Variants in SFMBT2 observed in about 807,000 individuals in gnomAD.
SFMBT2 encodes the protein Scm like with four mbt domains 2, also known as scm-like with four MBT domains protein 2.
A neutral mutation model predicts 110.1 loss-of-function variants in SFMBT2; 38 were observed. The ratio of observed to expected loss-of-function variants is 0.35; its 90% CI spans 0.27 to 0.45. The LOEUF (loss-of-function observed/expected upper bound fraction) is 0.45, where lower values mean the gene tolerates loss of function less well. Among genes scored for constraint, SFMBT2 ranks in the 20% least tolerant of loss-of-function variants. SFMBT2 has a pLI of 1.00. For missense variants in SFMBT2, 1,011 were observed against 1,094.9 expected (o/e 0.92, Z 1.08); for synonymous variants, 425 against 425.4 (o/e 1.00, Z 0.01).
intron 7 of SFMBT2, among the ~76,000 whole-genome samples, chr10:7,256,432 G>A (rs1240398185): frequency 6.6e-6 from 1 of 152,240 alleles, no homozygotes; most frequent in African/African-American, 2.4e-5. Flanking sequence ...AAGTTTTGCT[G>A]TTAATTCCTC....
intron 11 of SFMBT2, among the ~76,000 whole-genome samples, chr10:7,209,472 T>C (rs747187662): frequency 6.6e-6 from 1 of 152,250 alleles, no homozygotes; most frequent in Non-Finnish European, 1.5e-5. Context: ...GGAAGCTTAA[T>C]TCCCCATCTA....
intron 16 of SFMBT2, among the ~76,000 whole-genome samples, chr10:7,182,811 A>G (rs1043117919): frequency 6.6e-6 from 1 of 151,974 alleles, no homozygotes; most frequent in African/African-American, 2.4e-5. Flanking sequence ...GCACATGTAT[A>G]CATATGTAAC....
intron 4 of SFMBT2, among the ~76,000 whole-genome samples, chr10:7,315,038 G>GAGAAAGAAAGGA (rs1842956776): frequency 1.2e-5 from 1 of 82,176 alleles, no homozygotes; most frequent in African/African-American, 5.2e-5. Context: ...AAGAAAGAAA[G>GAGAAAGAAAGGA]AGAAAGAAAG....
At chr10:7,266,875 A>G (rs1564412748) in intron 7 of SFMBT2, among the ~76,000 whole-genome samples, 2 of 152,156 alleles carry the variant, frequency 1.3e-5, no homozygotes, top group Admixed American at 1.3e-4. Flanking sequence ...AGAAGGGTTC[A>G]CCTGGGAGGC....
intron 7 of SFMBT2, among the ~76,000 whole-genome samples, chr10:7,258,036 A>G (rs1023831941): frequency 2.1e-4 from 32 of 152,202 alleles, no homozygotes; most frequent in Middle Eastern, 3.2e-3. Context: ...GGCTCCAGCA[A>G]TACTTCCACC....
intron 16 of SFMBT2, among the ~76,000 whole-genome samples, chr10:7,181,063 ACCC>A (rs1355253553): frequency 6.6e-6 from 1 of 151,868 alleles, no homozygotes; most frequent in Non-Finnish European, 1.5e-5. Flanking sequence ...ACATGGTGAA[ACCC>A]CATCTCTCCT....
chr10:7,238,516 T>A (rs905526684), intron 9 of SFMBT2, among the ~76,000 whole-genome samples: 1 of 152,192 alleles, frequency 6.6e-6, no homozygotes, highest in African/African-American at 2.4e-5. Flanking sequence ...AGCTCATCAG[T>A]CAGTGTCTGA....
rs56181512 is a variant in SFMBT2 at position 7,317,641 on chromosome 10, C to CAAAAAAAA, written c.437-31695_437-31688dup. 4.1e-4 allele frequency among the ~76,000 whole-genome samples: 38 copies of CAAAAAAAA among 92,702 alleles called. 1 individual carries two copies. The highest frequency in any genetic ancestry group is 6.6e-4 in the Admixed American group (5 of 7,540). 60.8% of individuals were successfully genotyped at this position (92,702 alleles called of 152,430 possible). On this transcript the variant is annotated intron_variant, in intron 4 of 20. Transcript: ENST00000397167. Reference sequence around the variant, plus strand: ...GGGCAACAAGAACAAAACTCCGTCTCAAAAAAAAAAAAAAAAAGTACACAT... The same window carrying CAAAAAAAA: ...GGGCAACAAGAACAAAACTCCGTCTCAAAAAAAAAAAAAAAAAAAAAAAAAGTACACAT...
At chr10:7,377,522 G>A (rs560762097) in intron 2 of SFMBT2, among the ~76,000 whole-genome samples, 37 of 152,260 alleles carry the variant, frequency 2.4e-4, no homozygotes, top group African/African-American at 7.2e-4. Context: ...TAGAATCAGT[G>A]GGAATCCTGG....
Position 7,172,480 on chromosome 10 carries a change from C to T in SFMBT2, c.2151+15G>A, listed in dbSNP as rs1016972284. The T allele has an allele frequency of 3.1e-6, 5 of 1,613,074 alleles. No homozygotes were observed. The highest frequency in any genetic ancestry group is 4.2e-6 in the Non-Finnish European group (5 of 1,180,024). ...ACAGAGCTACAGGCTGGCAGGTGCCCCGGGCAGAACATACCTCCCCCGAGC... is the reference window on the plus strand; with the variant it reads ...ACAGAGCTACAGGCTGGCAGGTGCCTCGGGCAGAACATACCTCCCCCGAGC... On this transcript the variant is annotated intron_variant, in intron 18 of 20. Coordinates refer to ENST00000397167, the MANE Select transcript of SFMBT2 (RefSeq NM_001387889.1). This position sits in a 1 kb window ranked among gnomAD's most constrained non-coding sequence, Gnocchi z 4.6.
intron 3 of SFMBT2, among the ~76,000 whole-genome samples, chr10:7,368,121 A>G (rs944021137): frequency 6.6e-6 from 1 of 152,228 alleles, no homozygotes; most frequent in Non-Finnish European, 1.5e-5. Flanking sequence ...TTCTAACAAT[A>G]TATTTTAACC....
intron 7 of SFMBT2, among the ~76,000 whole-genome samples, chr10:7,267,939 C>T (rs899998481): frequency 1.3e-5 from 2 of 152,124 alleles, no homozygotes; most frequent in Admixed American, 6.5e-5. Context: ...TCTAAGGAAA[C>T]AATATTTTAT....
At chr10:7,168,553 C>G (rs568482908) in intron 20 of SFMBT2, among the ~76,000 whole-genome samples, 41 of 152,338 alleles carry the variant, frequency 2.7e-4, no homozygotes, top group Non-Finnish European at 4.9e-4. Flanking sequence ...ATCAGTGCAA[C>G]CAAACCTGCG....
intron 11 of SFMBT2, among the ~76,000 whole-genome samples, chr10:7,212,628 C>T (rs1486896842): frequency 6.6e-6 from 1 of 152,208 alleles, no homozygotes; most frequent in Non-Finnish European, 1.5e-5. Context: ...TACACTCTAT[C>T]GATGTTCATC....
At chr10:7,174,943 CTG>C (rs371540722) in intron 17 of SFMBT2, among the ~76,000 whole-genome samples, 9 of 151,028 alleles carry the variant, frequency 6.0e-5, no homozygotes, top group Admixed American at 1.3e-4. Context: ...CAAGGGGACT[CTG>C]TGTGTGTGTG....
intron 3 of SFMBT2, chr10:7,368,302 G>T: frequency 2.0e-6 from 2 of 983,124 alleles, no homozygotes; most frequent in Non-Finnish European, 1.2e-6. Context: ...AGGACCACAT[G>T]ATAGGGGCTA....
intron 12 of SFMBT2, chr10:7,205,495 C>T (rs1405303813): frequency 1.0e-6 from 1 of 981,596 alleles, no homozygotes; most frequent in African/African-American, 1.8e-5. Context: ...AATGGTAACA[C>T]AATAATATAG....
chr10:7,172,746 G>T lies in SFMBT2; in HGVS notation c.1985-85C>A. ...GAGAGGAGAGAGAAAGAAGGGAAAC[G>T]ATTCTTTCATCTGATAGTTCATTTG... On this transcript the variant is annotated intron_variant, in intron 17 of 20. Transcript: ENST00000397167. The surrounding 1 kb of genome is among the most constrained non-coding windows in gnomAD (Gnocchi z 4.6). 7.0e-7 allele frequency: 1 copy of T among 1,431,540 alleles called. No individual in the cohort carries two copies. The highest frequency in any genetic ancestry group is 2.3e-5 in the Admixed American group (1 of 42,818). 88.7% of individuals were successfully genotyped at this position (1,431,540 alleles called of 1,614,324 possible).
intron 4 of SFMBT2, among the ~76,000 whole-genome samples, chr10:7,298,426 A>C (rs576657212): frequency 1.7e-3 from 252 of 152,274 alleles, no homozygotes; most frequent in Non-Finnish European, 3.1e-3. Flanking sequence ...CCAAAAGCCC[A>C]ACAGCCAGGC....
Sources: allele counts gnomAD v4.1 joint callset (sites outside exome capture counted in the v4.1 genomes callset), GRCh38; gene constraint gnomAD v4.1.1; non-coding constraint Gnocchi (gnomAD v3.1); transcripts MANE v1.5; gene names NCBI Gene and HGNC (gene_info 2026-07-23, HGNC 2026-07-21).